The following HERC1 variants were observed in gnomAD, a reference collection of about 807,000 sequenced individuals.
The protein encoded by HERC1 is probable E3 ubiquitin-protein ligase HERC1.
Under a neutral mutation model 554.3 loss-of-function variants are expected in HERC1, and 160 were observed. The ratio of observed to expected loss-of-function variants is 0.29; its 90% CI spans 0.25 to 0.33. The LOEUF (loss-of-function observed/expected upper bound fraction) is 0.33, where lower values mean the gene tolerates loss of function less well. Ranked by LOEUF, HERC1 falls within the 10% of genes least tolerant of loss-of-function variation. The pLI is 1.00. For synonymous variants in HERC1, 2,175 were observed against 2,131.7 expected (o/e 1.02, Z -0.56); for missense variants, 4,919 against 5,918.5 (o/e 0.83, Z 5.54).
At chr15:63,725,569 A>G (rs2074007168) in intron 17 of HERC1, 56 bp from the exon 18 acceptor site, 2 of 1,393,696 alleles carry the variant, frequency 1.4e-6, no homozygotes, top group Non-Finnish European at 2.0e-6. Context: ...AAGATTCAAA[A>G]TATTTCTCAT....
chr15:63,704,765 G>T (rs1300122014), intron 25 of HERC1, among the ~76,000 whole-genome samples: 1 of 125,852 alleles, frequency 7.9e-6, no homozygotes, highest in Middle Eastern at 6.5e-3. Context: ...TTGAGATGGA[G>T]TCTCGCTCTG....
chr15:63,679,711 G>C (rs2071383461), intron 36 of HERC1, among the ~76,000 whole-genome samples: 2 of 152,184 alleles, frequency 1.3e-5, no homozygotes, highest in African/African-American at 4.8e-5. Flanking sequence ...GTTTCCTCAT[G>C]ATGACTACAA....
intron 12 of HERC1, among the ~76,000 whole-genome samples, chr15:63,736,500 C>T (rs1031648658): frequency 1.3e-5 from 2 of 152,188 alleles, no homozygotes; most frequent in African/African-American, 4.8e-5. Flanking sequence ...TGAAATATTA[C>T]CTTCCCCTAA....
chr15:63,703,351 C>G (rs1210215181), intron 25 of HERC1, among the ~76,000 whole-genome samples: 1 of 152,160 alleles, frequency 6.6e-6, no homozygotes, highest in East Asian at 1.9e-4. Flanking sequence ...GGCAATGGGC[C>G]CTCTCAAGGA....
rs756936203 is a variant in HERC1, at chr15:63,669,605, A to T, written c.8139T>A (p.Asp2713Glu). Residue 2713 changes from aspartate (D) to glutamate (E), a missense_variant, in exon 40 of 78, where the codon GAT (aspartate) becomes GAA (glutamate). Coordinates refer to ENST00000443617, the MANE Select transcript of HERC1 (RefSeq NM_003922.4). ...PISSLPTSPS[D>E]EVGRRQSLTS... Reference sequence around the variant, plus strand: ...TTAAACTTTGCCTCCTTCCTACTTCATCAGAAGGAGAGGTTGGTAACGAAG... The same window carrying T: ...TTAAACTTTGCCTCCTTCCTACTTCTTCAGAAGGAGAGGTTGGTAACGAAG... The T allele has an allele frequency of 1.9e-6, 3 of 1,613,520 alleles. No individual in the cohort carries two copies. The South Asian group carries it at 3.3e-5, about 18-fold the overall frequency.
chr15:63,677,971 G>T lies in HERC1; in HGVS notation c.6944C>A (p.Ala2315Asp). Residue 2315 changes from alanine (A) to aspartate (D), a missense_variant, in exon 37 of 78, where the codon GCT becomes GAT. Coordinates refer to ENST00000443617, the MANE Select transcript of HERC1 (RefSeq NM_003922.4). This position sits in a 1 kb window ranked among gnomAD's most constrained non-coding sequence, Gnocchi z 4.4. ...PVLAVIGGVD[A>D]GLRVGGRCVH... is the part of the protein sequence containing the mutation. ...ACACCGACCTCCAACTCTAAGACCA[G>T]CATCAACTCCTCCTATCACAGCCAG... 2.5e-6 allele frequency: 4 copies of T among 1,613,952 alleles called. No homozygotes were observed. The highest frequency in any genetic ancestry group is 3.4e-6 in the Non-Finnish European group (4 of 1,179,890).
At chr15:63,657,591 C>T (rs2070116974) in intron 48 of HERC1, among the ~76,000 whole-genome samples, 2 of 152,080 alleles carry the variant, frequency 1.3e-5, no homozygotes, top group Non-Finnish European at 2.9e-5. Context: ...TACTTTCTTA[C>T]TTTTCAAATC....
chr15:63,643,982 T>C (rs2069197025), intron 57 of HERC1, among the ~76,000 whole-genome samples: 1 of 152,234 alleles, frequency 6.6e-6, no homozygotes, highest in East Asian at 1.9e-4. Flanking sequence ...AATGGTTCTG[T>C]CTGTCACACA....
rs1235124962 is a variant in HERC1 at position 63,749,137 on chromosome 15, T to A, written c.2219+230A>T. On this transcript the variant is annotated intron_variant, in intron 10 of 77. Transcript: ENST00000443617. This position sits in a 1 kb window ranked among gnomAD's most constrained non-coding sequence, Gnocchi z 4.1. The stretch of plus-strand genomic sequence containing the variant: ...AGAACTCAAAATGTTTAAAAGACAA[T>A]GTCTTAAATACTGGGTATGACTTCT... 1.3e-5 allele frequency among the ~76,000 whole-genome samples: 2 copies of A among 152,176 alleles called. No individual in the cohort carries two copies. The highest frequency in any genetic ancestry group is 2.9e-5 in the Non-Finnish European group (2 of 68,012).
Position 63,727,343 on chromosome 15 carries a change from T to C in HERC1, c.3346+304A>G, listed in dbSNP as rs1567058164. On this transcript the variant is annotated intron_variant, in intron 17 of 77. Coordinates refer to ENST00000443617, the MANE Select transcript of HERC1 (RefSeq NM_003922.4). The surrounding 1 kb of genome is among the most constrained non-coding windows in gnomAD (Gnocchi z 4.3). Reference sequence around the variant, plus strand: ...ATAAAGCCTAATCAACATCCTGATATGGTTGTAAATTTGACACTTGGACTA... The same window carrying C: ...ATAAAGCCTAATCAACATCCTGATACGGTTGTAAATTTGACACTTGGACTA... 6.6e-6 allele frequency among the ~76,000 whole-genome samples: 1 copy of C among 152,206 alleles called. No homozygotes were observed. The highest frequency in any genetic ancestry group is 1.5e-5 in the Non-Finnish European group (1 of 68,038).
intron 8 of HERC1, among the ~76,000 whole-genome samples, chr15:63,750,823 C>A (rs2075214197): frequency 6.6e-6 from 1 of 152,114 alleles, no homozygotes; most frequent in Admixed American, 6.5e-5. Flanking sequence ...GTCCCAGCTA[C>A]TCGGGAGCTG....
chr15:63,689,648 T>C lies in HERC1; in HGVS notation c.5989A>G (p.Ile1997Val), dbSNP rs1201351006. 6.3e-7 allele frequency: 1 copy of C among 1,590,768 alleles called. No homozygotes were observed. Among genetic ancestry groups the C allele is most frequent in the Admixed American group, 1.8e-5 (1 of 56,726 alleles). Residue 1997 changes from isoleucine to valine, a missense_variant, in exon 33 of 78, where the codon ATT (isoleucine) becomes GTT (valine). Ile to Val is a conservative substitution (Grantham distance 29, BLOSUM62 3). Transcript: ENST00000443617. ...LLSDCMWETP[I>V]AQAKHAIQIK... ...TGAATAGCATGTTTGGCCTGAGCAA[T>C]GGGTGTCTCCCACATACAATCAGAG...
chr15:63,644,920 C>A, intron 57 of HERC1, 72 bp downstream of exon 57: 1 of 1,169,822 alleles, frequency 8.5e-7, no homozygotes, highest in Non-Finnish European at 1.3e-6. Context: ...TTTTAGTAAC[C>A]AAGGGAGAAT....
In HERC1 at chr15:63,680,291, C is replaced by T. The variant is rs2071411382; in HGVS notation, c.6466-131G>A. 1.3e-6 allele frequency: 1 copy of T among 760,964 alleles called. No homozygotes were observed. Among genetic ancestry groups the T allele is most frequent in the East Asian group, 2.7e-5 (1 of 37,172 alleles). The allele number at this position is 760,964 out of a possible 1,614,324, so 47.1% of individuals were successfully genotyped here. A position where few individuals can be genotyped will look rare whatever the true frequency, so the allele number is the denominator to read the frequency against. On this transcript the variant is annotated intron_variant, in intron 35 of 77. Coordinates refer to ENST00000443617, the MANE Select transcript of HERC1 (RefSeq NM_003922.4). The surrounding 1 kb of genome is among the most constrained non-coding windows in gnomAD (Gnocchi z 5.8). ...GTTACTAGATCAAATTCTCAATTAA[C>T]CTTGCTAACCGAGAAAATTCTACAT... is the stretch of plus-strand genomic sequence containing the variant.
chr15:63,612,048 C>T lies in HERC1; in HGVS notation c.14400+203G>A, dbSNP rs374885302. 2.6e-5 allele frequency among the ~76,000 whole-genome samples: 4 copies of T among 152,276 alleles called. No homozygotes were observed. In the South Asian group the frequency reaches 8.3e-4, roughly 32 times the overall value. On this transcript the variant is annotated intron_variant, in intron 77 of 77. Coordinates refer to ENST00000443617, the MANE Select transcript of HERC1 (RefSeq NM_003922.4). The surrounding 1 kb of genome is among the most constrained non-coding windows in gnomAD (Gnocchi z 5.0). The stretch of plus-strand genomic sequence containing the variant: ...AAAATATACAAAAAAATTAGCCAGG[C>T]GTGGTGGCACGCACCTGTAGTCCCA...
chr15:63,802,046 G>C (rs1243946875), intron 1 of HERC1, among the ~76,000 whole-genome samples: 3 of 152,176 alleles, frequency 2.0e-5, no homozygotes, highest in African/African-American at 7.2e-5. Flanking sequence ...AATCATAAGA[G>C]AAAGTGTCAA....
At position 63,692,106 on chromosome 15, in the gene HERC1, T is replaced by A. The variant is rs1234847816; in HGVS notation, c.5830+305A>T. Among the ~76,000 whole-genome samples the A allele has an allele frequency of 6.6e-6, 1 of 152,234 alleles. No individual in the cohort carries two copies. On this transcript the variant is annotated intron_variant, in intron 31 of 77. Coordinates refer to ENST00000443617, the MANE Select transcript of HERC1 (RefSeq NM_003922.4). The surrounding 1 kb of genome is among the most constrained non-coding windows in gnomAD (Gnocchi z 4.7). The stretch of plus-strand genomic sequence containing the variant: ...GATAATCCAAGAAGCAAGGTCGGAA[T>A]CTGTGCTAAAATATCGTATTAAACA...
At position 63,680,806 on chromosome 15, in the gene HERC1, C is replaced by T. The variant is rs778143832; in HGVS notation, c.6226-30G>A. Reference sequence around the variant, plus strand: ...AATAAAAGTGGGATATTCATTAATACTCAAAAAATCTATTTATATACTATT... The same window carrying T: ...AATAAAAGTGGGATATTCATTAATATTCAAAAAATCTATTTATATACTATT... On this transcript the variant is annotated intron_variant, in intron 34 of 77. Transcript: ENST00000443617. This position sits in a 1 kb window ranked among gnomAD's most constrained non-coding sequence, Gnocchi z 5.8. The T allele has an allele frequency of 6.7e-6, 10 of 1,498,888 alleles. No homozygotes were observed. The Admixed American group carries it at 1.0e-4, about 15-fold the overall frequency. The allele number at this position is 1,498,888 out of a possible 1,614,324, so 92.8% of individuals were successfully genotyped here.
chr15:63,676,400 A>T (rs2071209591), intron 37 of HERC1, among the ~76,000 whole-genome samples: 1 of 152,164 alleles, frequency 6.6e-6, no homozygotes, highest in Non-Finnish European at 1.5e-5. Context: ...GGCTAAGATG[A>T]TCCATAGCAT....
Sources: gnomAD v4.1 joint callset for allele counts (sites outside exome capture counted in the v4.1 genomes callset) on GRCh38, gnomAD v4.1.1 for gene constraint, Gnocchi (gnomAD v3.1) non-coding constraint, MANE v1.5 for transcripts, NCBI Gene and HGNC (gene_info 2026-07-23, HGNC 2026-07-21) for gene names.